MUC22: variants seen among roughly 807,000 people sequenced by gnomAD.
MUC22 encodes mucin 22, also known as mucin-22.
A neutral mutation model predicts 40.3 loss-of-function variants in MUC22; 24 were observed. The observed-to-expected ratio is 0.60, with a 90% CI of 0.43 to 0.84. MUC22 has a LOEUF of 0.84. MUC22 is among the 40% of genes least tolerant of loss of function. MUC22 has a pLI of 0.00. For missense variants in MUC22, 1,926 were observed against 2,130.7 expected (o/e 0.90, Z 1.89); for synonymous variants, 765 against 844.5 (o/e 0.91, Z 1.63).
At chr6:31,012,251 T>A (rs1302781729) in intron 1 of MUC22, among the ~76,000 whole-genome samples, 1 of 152,112 alleles carries the variant, frequency 6.6e-6, no homozygotes, top group Non-Finnish European at 1.5e-5. Context: ...TCCCCCTTCT[T>A]CCTCAGTATG....
chr6:31,016,902 G>A (rs750793787), intron 1 of MUC22, among the ~76,000 whole-genome samples: 21 of 152,344 alleles, frequency 1.4e-4, no homozygotes, highest in Admixed American at 8.5e-4. Context: ...GGGCTGGCGT[G>A]GCCAGCACAG....
intron 1 of MUC22, among the ~76,000 whole-genome samples, 151 bp downstream of exon 1, chr6:31,010,927 G>C (rs1763824599): frequency 7.6e-6 from 1 of 131,920 alleles, no homozygotes. Context: ...TTCTGCAAAA[G>C]CCAGTACTGA....
At chr6:31,021,646 G>A (rs573265262) in intron 1 of MUC22, among the ~76,000 whole-genome samples, 6 of 151,852 alleles carry the variant, frequency 4.0e-5, no homozygotes, top group Non-Finnish European at 7.4e-5. Flanking sequence ...GGCCTTGGAG[G>A]ACCTCTGTGT....
chr6:31,034,938 A>G, exon 4 of MUC22: 1 of 1,535,228 alleles, frequency 6.5e-7, no homozygotes, highest in Non-Finnish European at 8.7e-7. Flanking sequence ...GAGGCCACTG[A>G]GGACACCATG....
chr6:31,022,370 G>A (rs62399426), intron 1 of MUC22, among the ~76,000 whole-genome samples: 2,597 of 152,088 alleles, frequency 0.017, 41 homozygotes, highest in Non-Finnish European at 0.027. Flanking sequence ...CTCAATTTTG[G>A]TTAGGCTGGT....
intron 1 of MUC22, among the ~76,000 whole-genome samples, chr6:31,021,935 G>A (rs958263409): frequency 1.3e-5 from 2 of 152,048 alleles, no homozygotes; most frequent in African/African-American, 4.8e-5. Context: ...CTGTTTTTAT[G>A]ATCTGTAACA....
At chr6:31,034,556 A>C (rs965447325) in intron 3 of MUC22, 116 bp from the exon 4 acceptor site, 2 of 796,746 alleles carry the variant, frequency 2.5e-6, no homozygotes, top group Non-Finnish European at 3.9e-6. Context: ...TAAAGAGAAG[A>C]GAACATGGGC....
rs1267212089 is a variant in MUC22, at chr6:31,030,107, A to G, written c.4669+7A>G. On this transcript the variant is annotated splice_region_variant and intron_variant, in intron 2 of 3. Coordinates refer to ENST00000561890, the Ensembl canonical transcript of MUC22. Reference sequence around the variant, plus strand: ...ACCAACACACCTATGTCAGGTACTAACCCCCATGTCTTCTTTGAGCCCACA... The same window carrying G: ...ACCAACACACCTATGTCAGGTACTAGCCCCCATGTCTTCTTTGAGCCCACA... The G allele has an allele frequency of 1.3e-6, 2 of 1,507,328 alleles. No individual in the cohort carries two copies. The highest frequency in any genetic ancestry group is 1.8e-6 in the Non-Finnish European group (2 of 1,132,080). 93.4% of individuals were successfully genotyped at this position (1,507,328 alleles called of 1,614,324 possible). A position where few individuals can be genotyped will look rare whatever the true frequency, so the allele number is the denominator to read the frequency against.
At chr6:31,022,954 AC>A (rs1764988638) in intron 1 of MUC22, among the ~76,000 whole-genome samples, 1 of 151,898 alleles carries the variant, frequency 6.6e-6, no homozygotes, top group African/African-American at 2.4e-5. Flanking sequence ...ACGTGGTGAA[AC>A]CCTGTCTCTA....
chr6:31,033,834 A>G (rs1766254235), intron 3 of MUC22, among the ~76,000 whole-genome samples: 1 of 152,258 alleles, frequency 6.6e-6, no homozygotes, highest in Non-Finnish European at 1.5e-5. Context: ...GGACAAAATG[A>G]AAAATACGGA....
intron 1 of MUC22, among the ~76,000 whole-genome samples, chr6:31,013,996 A>T (rs1009319150): frequency 6.6e-6 from 1 of 152,146 alleles, no homozygotes; most frequent in Non-Finnish European, 1.5e-5. Flanking sequence ...ATTCTCCCCA[A>T]ATGACTGTAT....
At chr6:31,012,908 A>G (rs78171407) in intron 1 of MUC22, among the ~76,000 whole-genome samples, 1,739 of 152,024 alleles carry the variant, frequency 0.011, 32 homozygotes, top group East Asian at 0.066. Context: ...TTCTGTATGC[A>G]CAAGTATCAT....
chr6:31,019,233 G>A (rs9295942), intron 1 of MUC22, among the ~76,000 whole-genome samples: 1 of 151,926 alleles, frequency 6.6e-6, no homozygotes, highest in African/African-American at 2.4e-5. Context: ...ACTTCTTTTC[G>A]TGTCATCCAC....
intron 1 of MUC22, among the ~76,000 whole-genome samples, chr6:31,018,777 A>T (rs12661157): frequency 6.6e-6 from 1 of 152,248 alleles, no homozygotes. Context: ...GCAAAAATCA[A>T]TTCAGTTAAC....
chr6:31,015,626 T>C (rs1018654040), intron 1 of MUC22, among the ~76,000 whole-genome samples: 1 of 152,208 alleles, frequency 6.6e-6, no homozygotes, highest in Non-Finnish European at 1.5e-5. Flanking sequence ...GGATATGATT[T>C]TTCTCAGGAT....
exon 2 of MUC22, chr6:31,026,230 A>T (rs776468457): frequency 9.8e-6 from 15 of 1,528,306 alleles, no homozygotes; most frequent in Non-Finnish European, 1.3e-5. Context: ...AGGCTCTAAC[A>T]CCACCACAGC....
intron 1 of MUC22, among the ~76,000 whole-genome samples, chr6:31,022,027 A>G (rs971022169): frequency 6.6e-6 from 1 of 152,078 alleles, no homozygotes; most frequent in African/African-American, 2.4e-5. Context: ...TTCCACACGC[A>G]TGGGCTTAAG....
intron 1 of MUC22, among the ~76,000 whole-genome samples, chr6:31,016,582 A>C (rs1206725261): frequency 6.6e-6 from 1 of 152,244 alleles, no homozygotes; most frequent in Non-Finnish European, 1.5e-5. Context: ...TTCAGGGTGT[A>C]AGCATTTCCT....
chr6:31,030,516 C>CAAAAAA (rs372027490), intron 2 of MUC22, among the ~76,000 whole-genome samples: 1 of 127,514 alleles, frequency 7.8e-6, no homozygotes, highest in Non-Finnish European at 1.6e-5. Context: ...GACTCCGTCT[C>CAAAAAA]AAAAAAAAAA....
Sources: gnomAD v4.1 joint callset for allele counts (sites outside exome capture counted in the v4.1 genomes callset) on GRCh38, gnomAD v4.1.1 for gene constraint, MANE v1.5 for transcripts, NCBI Gene and HGNC (gene_info 2026-07-23, HGNC 2026-07-21) for gene names.